Variants in PTPRT observed in about 807,000 individuals in gnomAD.
PTPRT encodes the protein protein tyrosine phosphatase receptor type T, also known as receptor-type tyrosine-protein phosphatase T.
In PTPRT, 56 loss-of-function variants were observed where a neutral mutation model predicts 176.8. That is an observed-to-expected ratio of 0.32 (90% CI 0.26 to 0.40). The LOEUF is 0.40. Among genes scored for constraint, PTPRT ranks in the 10% least tolerant of loss-of-function variants. The probability of loss-of-function intolerance (pLI) is 1.00; values close to 1 mark genes in which losing one functional copy is unlikely to be tolerated. For synonymous variants in PTPRT, 783 were observed against 739.0 expected, an observed-to-expected ratio of 1.06 and a Z score of -0.96; for missense variants, 1,540 against 1,908.2, an observed-to-expected ratio of 0.81 and a Z score of 3.60.
chr20:42,871,211 C>T (rs1187005050), intron 2 of PTPRT, among the ~76,000 whole-genome samples: 2 of 151,774 alleles, frequency 1.3e-5, no homozygotes, highest in Non-Finnish European at 2.9e-5. Flanking sequence ...CTCGGCCTCC[C>T]AAAATGCTGG....
At chr20:42,564,289 G>C (rs2073002946) in intron 7 of PTPRT, among the ~76,000 whole-genome samples, 1 of 152,168 alleles carries the variant, frequency 6.6e-6, no homozygotes, top group Non-Finnish European at 1.5e-5. Flanking sequence ...ACATTGCCCA[G>C]ACTTTTCCCA....
chr20:43,110,353 C>T (rs572102381), intron 1 of PTPRT, among the ~76,000 whole-genome samples: 3 of 152,344 alleles, frequency 2.0e-5, no homozygotes, highest in Non-Finnish European at 4.4e-5. Context: ...ATAGGCCCTC[C>T]TCCAACACTG....
intron 2 of PTPRT, among the ~76,000 whole-genome samples, chr20:42,793,135 G>A (rs1366009264): frequency 2.0e-5 from 3 of 152,138 alleles, no homozygotes; most frequent in African/African-American, 7.2e-5. Flanking sequence ...GAAAAGCACA[G>A]AGAAACCTGA....
the PTPRT span, among the ~76,000 whole-genome samples, chr20:42,055,556 G>T: frequency 6.6e-6 from 1 of 152,314 alleles, no homozygotes; most frequent in East Asian, 1.9e-4. Context: ...CAAGGGATGT[G>T]GTTGGGGAGG....
intron 1 of PTPRT, among the ~76,000 whole-genome samples, chr20:43,052,158 C>T (rs1243093955): frequency 6.6e-6 from 1 of 152,232 alleles, no homozygotes; most frequent in Non-Finnish European, 1.5e-5. Context: ...CAGGCTTTGG[C>T]AGCCCAGCTT....
intron 6 of PTPRT, among the ~76,000 whole-genome samples, chr20:42,681,033 T>C (rs1279946473): frequency 6.6e-6 from 1 of 152,214 alleles, no homozygotes; most frequent in East Asian, 1.9e-4. Flanking sequence ...TCTTTCTTTT[T>C]TCAGTGATCC....
chr20:43,113,994 A>G (rs551586876), intron 1 of PTPRT, among the ~76,000 whole-genome samples: 2 of 152,350 alleles, frequency 1.3e-5, no homozygotes, highest in South Asian at 2.1e-4. Context: ...TGTAAATTAC[A>G]TATTAATGTA....
At chr20:42,860,545 G>T (rs1234307419) in intron 2 of PTPRT, among the ~76,000 whole-genome samples, 1 of 152,072 alleles carries the variant, frequency 6.6e-6, no homozygotes, top group African/African-American at 2.4e-5. Context: ...TTACTTATTT[G>T]TTTTCCCAGT....
intron 2 of PTPRT, among the ~76,000 whole-genome samples, chr20:42,831,669 A>G (rs1316244600): frequency 6.6e-6 from 1 of 152,212 alleles, no homozygotes; most frequent in Non-Finnish European, 1.5e-5. Flanking sequence ...TAAGGAACTT[A>G]AACACATTTA....
Position 42,677,902 on chromosome 20 carries a change from G to A in PTPRT, c.1117C>T (p.Pro373Ser). ...GTCCTGGTGGTGAGGGGAGGCCCTGGCGGTCCCGTACCCCCCTCACCTGGT... is the reference window on the plus strand; with the variant it reads ...GTCCTGGTGGTGAGGGGAGGCCCTGACGGTCCCGTACCCCCCTCACCTGGT... Reference protein sequence around the residue: ...TRPGEGGTGPPGPPLTTRTKC... With the variant: ...TRPGEGGTGPSGPPLTTRTKC... The change falls in exon 7 of 31, where the codon CCA (proline) becomes TCA (serine). Residue 373 changes from proline (P) to serine (S), a missense_variant. Physicochemically the swap from Pro to Ser is moderately conservative, Grantham distance 74. Around this residue, in one of 11 missense-constraint regions of PTPRT, gnomAD observed 273 missense variants for 432.1 expected, o/e 0.63. Coordinates refer to ENST00000373187, the MANE Select transcript of PTPRT (RefSeq NM_007050.6). The A allele has an allele frequency of 6.2e-7, 1 of 1,613,958 alleles. No individual in the cohort carries two copies. The highest frequency in any genetic ancestry group is 8.5e-7 in the Non-Finnish European group (1 of 1,179,990).
intron 9 of PTPRT, among the ~76,000 whole-genome samples, chr20:42,404,923 T>C (rs2145716601): frequency 7.0e-6 from 1 of 143,800 alleles, no homozygotes; most frequent in East Asian, 2.0e-4. Flanking sequence ...TTTTTTGTCA[T>C]GACAGATAAA....
At chr20:43,163,894 A>G (rs1250139662) in intron 1 of PTPRT, among the ~76,000 whole-genome samples, 1 of 152,198 alleles carries the variant, frequency 6.6e-6, no homozygotes, top group Non-Finnish European at 1.5e-5. Context: ...GTTCCTAAAA[A>G]TGAGTTGCAA....
intron 7 of PTPRT, among the ~76,000 whole-genome samples, chr20:42,630,326 T>C (rs1389427624): frequency 6.6e-6 from 1 of 152,154 alleles, no homozygotes; most frequent in African/African-American, 2.4e-5. Context: ...TTCAGACATC[T>C]GACTCCCAGA....
chr20:42,667,299 C>T (rs549818236), intron 7 of PTPRT, among the ~76,000 whole-genome samples: 15 of 152,288 alleles, frequency 9.8e-5, no homozygotes, highest in Non-Finnish European at 1.8e-4. Flanking sequence ...AGTCACCTAC[C>T]TCCTAGACAG....
At chr20:42,670,843 G>A (rs1361139234) in intron 7 of PTPRT, among the ~76,000 whole-genome samples, 3 of 152,104 alleles carry the variant, frequency 2.0e-5, no homozygotes, top group African/African-American at 7.2e-5. Flanking sequence ...AAGTTTGGGG[G>A]GATAAAAGAA....
chr20:42,632,889 G>A (rs1480154610), intron 7 of PTPRT, among the ~76,000 whole-genome samples: 1 of 151,940 alleles, frequency 6.6e-6, no homozygotes, highest in African/African-American at 2.4e-5. Context: ...TTTCTTGAAG[G>A]GATAGCCAGG....
intron 2 of PTPRT, among the ~76,000 whole-genome samples, chr20:42,804,567 T>C (rs1473512561): frequency 6.6e-6 from 1 of 152,186 alleles, no homozygotes; most frequent in Admixed American, 6.5e-5. Context: ...GCTGAATGGG[T>C]TCCCTGAAGC....
intron 7 of PTPRT, among the ~76,000 whole-genome samples, chr20:42,487,248 G>A (rs1435730778): frequency 6.6e-6 from 1 of 152,156 alleles, no homozygotes; most frequent in East Asian, 1.9e-4. Context: ...AAGCCACCCT[G>A]GCATTTGCAG....
intron 1 of PTPRT, among the ~76,000 whole-genome samples, chr20:43,149,943 T>C (rs1267111468): frequency 6.6e-6 from 1 of 152,164 alleles, no homozygotes; most frequent in Admixed American, 6.5e-5. Context: ...ATCCGTGAGA[T>C]GTGAAGGGAA....
Sources: allele counts gnomAD v4.1 joint callset (sites outside exome capture counted in the v4.1 genomes callset), GRCh38; gene constraint gnomAD v4.1.1; regional missense constraint gnomAD v4.1.1; transcripts MANE v1.5; gene names NCBI Gene and HGNC (gene_info 2026-07-23, HGNC 2026-07-21).